Variants in DMD observed in about 807,000 individuals in gnomAD.
DMD encodes the protein dystrophin.
DMD carries 63 observed loss-of-function variants against 330.1 expected under a neutral mutation model. That is an observed-to-expected ratio of 0.19 (90% CI 0.16 to 0.24). The LOEUF (loss-of-function observed/expected upper bound fraction) is 0.24. DMD is among the 10% of genes least tolerant of loss of function. The pLI is 1.00. For missense variants in DMD, 3,344 were observed against 2,684.1 expected, an observed-to-expected ratio of 1.25 and a Z score of -5.43; for synonymous variants, 1,223 against 959.8, an observed-to-expected ratio of 1.27 and a Z score of -5.07.
intron 2 of DMD, among the ~76,000 whole-genome samples, chrX:32,860,642 T>G (rs2082008273): frequency 9.0e-6 from 1 of 111,248 alleles, no homozygotes; most frequent in Admixed American, 9.6e-5. Flanking sequence ...CAGTATTCTG[T>G]TGCGGAATAA....
At chrX:31,927,335 T>C (rs1386129693) in intron 47 of DMD, among the ~76,000 whole-genome samples, 1 of 112,295 alleles carries the variant, frequency 8.9e-6, no homozygotes, top group African/African-American at 3.2e-5. Flanking sequence ...TTTTATTCTG[T>C]TGCAGGACAC....
intron 55 of DMD, among the ~76,000 whole-genome samples, chrX:31,542,126 C>G (rs767541108): frequency 9.0e-6 from 1 of 111,419 alleles, no homozygotes; most frequent in Non-Finnish European, 1.9e-5. Flanking sequence ...AAGGATTTTA[C>G]GGAATGGTGG....
At chrX:32,722,131 T>G (rs181029661) in intron 7 of DMD, among the ~76,000 whole-genome samples, 1 of 110,340 alleles carries the variant, frequency 9.1e-6, no homozygotes, top group East Asian at 2.8e-4. Context: ...TTCTGGCTAT[T>G]TGGGATTTCA....
At chrX:33,043,682 ACT>A (rs1196993859) in intron 1 of DMD, among the ~76,000 whole-genome samples, 10 of 110,579 alleles carry the variant, frequency 9.0e-5, no homozygotes, top group Non-Finnish European at 1.5e-4. Flanking sequence ...AAAACAATCA[ACT>A]CTTTTTTTTA....
intron 7 of DMD, among the ~76,000 whole-genome samples, chrX:32,735,193 G>C (rs2068280379): frequency 9.3e-6 from 1 of 108,046 alleles, no homozygotes; most frequent in Non-Finnish European, 1.9e-5. Flanking sequence ...AAATACCTAG[G>C]AATCCAACTT....
At chrX:32,319,149 T>C (rs2097597526) in intron 41 of DMD, among the ~76,000 whole-genome samples, 1 of 111,483 alleles carries the variant, frequency 9.0e-6, no homozygotes, top group African/African-American at 3.3e-5. Flanking sequence ...AATTAGTAAC[T>C]TGATAAAATT....
intron 60 of DMD, among the ~76,000 whole-genome samples, chrX:31,375,820 T>C (rs914126012): frequency 4.5e-5 from 5 of 111,410 alleles, no homozygotes; most frequent in African/African-American, 1.6e-4. Flanking sequence ...TACTGAACTA[T>C]ACTCTAAAAA....
intron 2 of DMD, among the ~76,000 whole-genome samples, chrX:32,996,989 T>C (rs370494943): frequency 6.3e-5 from 7 of 111,540 alleles, no homozygotes; most frequent in African/African-American, 1.6e-4. Flanking sequence ...AAAGCATATG[T>C]ATATTTGCCT....
chrX:31,973,405 G>A lies in DMD; in HGVS notation c.6439-4891C>T, dbSNP rs182597816. ...TTTTTTGAGTAAAGAAAGAATGAAA[G>A]TTATAGGAGGTAAGAATCAAGGTCA... On this transcript the variant is annotated intron_variant, in intron 44 of 78. Coordinates refer to ENST00000357033, the MANE Select transcript of DMD (RefSeq NM_004006.3). Among the ~76,000 whole-genome samples the A allele has an allele frequency of 4.5e-5, 5 of 110,658 alleles. No individual in the cohort carries two copies. In the East Asian group the frequency reaches 1.4e-3, roughly 32 times the overall value.
rs1003221532 is a variant in DMD, at chrX:31,505,611, T to G, written c.8390+1670A>C. Among the ~76,000 whole-genome samples, 8 of 110,817 alleles carry G rather than the reference T, an allele frequency of 7.2e-5. No individual in the cohort carries two copies. The East Asian group carries it at 2.3e-3, about 31-fold the overall frequency. On this transcript the variant is annotated intron_variant, in intron 56 of 78. Coordinates refer to ENST00000357033, the MANE Select transcript of DMD (RefSeq NM_004006.3). Reference sequence around the variant, plus strand: ...AAAAGTTCAGACTCTGAAGTCAGACTCCCTGATTTCTTTTTCTTTTACTTT... The same window carrying G: ...AAAAGTTCAGACTCTGAAGTCAGACGCCCTGATTTCTTTTTCTTTTACTTT...
At chrX:32,616,585 T>A (rs1486521402) in intron 11 of DMD, among the ~76,000 whole-genome samples, 6 of 109,723 alleles carry the variant, frequency 5.5e-5, no homozygotes, top group African/African-American at 2.0e-4. Flanking sequence ...GACCGTGGAG[T>A]TTAGCATGTT....
At chrX:33,000,596 T>C (rs777201572) in intron 2 of DMD, among the ~76,000 whole-genome samples, 2 of 112,214 alleles carry the variant, frequency 1.8e-5, no homozygotes, top group Admixed American at 1.9e-4. Context: ...ACTAGCCACA[T>C]GTGGCTTTGG....
upstream of DMD, among the ~76,000 whole-genome samples, chrX:33,212,828 T>G (rs760054928): frequency 8.9e-6 from 1 of 111,778 alleles, no homozygotes; most frequent in Non-Finnish European, 1.9e-5. Flanking sequence ...TAAATATGCA[T>G]ATAAGCAAAA....
chrX:32,287,818 A>G, intron 42 of DMD, 117 bp from the exon 43 acceptor site: 1 of 516,254 alleles, frequency 1.9e-6, no homozygotes, highest in Non-Finnish European at 2.9e-6. Flanking sequence ...ATTCTTAATT[A>G]TTGACTTTTT....
At chrX:31,359,803 T>C (rs530343757) in intron 60 of DMD, among the ~76,000 whole-genome samples, 2 of 111,674 alleles carry the variant, frequency 1.8e-5, no homozygotes, top group African/African-American at 6.5e-5. Context: ...ATTTTACAGA[T>C]GAGGAAATGG....
chrX:31,191,792 A>G (rs1048905858), intron 67 of DMD, among the ~76,000 whole-genome samples: 5 of 111,774 alleles, frequency 4.5e-5, no homozygotes, highest in Non-Finnish European at 7.5e-5. Context: ...TTCATTTGCT[A>G]TTTTCATTAG....
intron 5 of DMD, among the ~76,000 whole-genome samples, chrX:32,821,665 A>G (rs770433407): frequency 9.0e-6 from 1 of 111,637 alleles, no homozygotes; most frequent in Admixed American, 9.5e-5. Flanking sequence ...TATCTGCTAC[A>G]ATAGGGCTGG....
chrX:31,441,585 CAT>C (rs761686091), intron 60 of DMD, among the ~76,000 whole-genome samples: 77 of 111,060 alleles, frequency 6.9e-4, no homozygotes, highest in African/African-American at 2.5e-3. Context: ...TAAAGATTGA[CAT>C]AGCATTGTGA....
chrX:31,711,106 T>C (rs1457041136), intron 52 of DMD, among the ~76,000 whole-genome samples: 1 of 110,813 alleles, frequency 9.0e-6, no homozygotes, highest in Non-Finnish European at 1.9e-5. Flanking sequence ...AAAGGTTTTG[T>C]AAAATTGTGC....
Sources: allele counts gnomAD v4.1 joint callset (sites outside exome capture counted in the v4.1 genomes callset), GRCh38; gene constraint gnomAD v4.1.1; transcripts MANE v1.5; gene names NCBI Gene and HGNC (gene_info 2026-07-23, HGNC 2026-07-21).